KLHL29: variants seen among roughly 807,000 people sequenced by gnomAD.
KLHL29 encodes kelch like family member 29, also known as kelch-like protein 29.
A neutral mutation model predicts 80.4 loss-of-function variants in KLHL29; 21 were observed. The ratio of observed to expected loss-of-function variants is 0.26; its 90% CI spans 0.19 to 0.38. KLHL29 has a LOEUF of 0.38. Among genes scored for constraint, KLHL29 ranks in the 10% least tolerant of loss-of-function variants. KLHL29 has a pLI of 1.00. For missense variants in KLHL29, 867 were observed against 1,223.9 expected, an observed-to-expected ratio of 0.71 and a Z score of 4.35; for synonymous variants, 511 against 526.8, an observed-to-expected ratio of 0.97 and a Z score of 0.41.
At chr2:23,608,828 C>T (rs1455075360) in intron 3 of KLHL29, among the ~76,000 whole-genome samples, 3 of 152,206 alleles carry the variant, frequency 2.0e-5, no homozygotes, top group Middle Eastern at 6.8e-3. Flanking sequence ...TCTACGAATA[C>T]TTATATGCTC....
chr2:23,412,277 A>G (rs980140117), intron 1 of KLHL29, among the ~76,000 whole-genome samples: 3 of 152,078 alleles, frequency 2.0e-5, no homozygotes, highest in African/African-American at 7.2e-5. Context: ...TGGTTGAGGA[A>G]TTTCAGAGAA....
intron 2 of KLHL29, among the ~76,000 whole-genome samples, chr2:23,506,826 A>T (rs1198010907): frequency 6.6e-6 from 1 of 152,138 alleles, no homozygotes; most frequent in Non-Finnish European, 1.5e-5. Flanking sequence ...GACTCCTCAA[A>T]AGAACCATGA....
At chr2:23,618,507 T>G (rs935276945) in intron 3 of KLHL29, among the ~76,000 whole-genome samples, 2 of 152,136 alleles carry the variant, frequency 1.3e-5, no homozygotes, top group African/African-American at 4.8e-5. Context: ...CCTGACCGCC[T>G]TTGAGTTGGG....
chr2:23,688,475 G>A (rs1671380291), intron 6 of KLHL29, among the ~76,000 whole-genome samples: 1 of 152,216 alleles, frequency 6.6e-6, no homozygotes, highest in Non-Finnish European at 1.5e-5. Flanking sequence ...CTGGAAGGAA[G>A]GGCATTTCTA....
Position 23,385,565 on chromosome 2 carries a change from A to AGGC in KLHL29, c.-357_-355dup, listed in dbSNP as rs963893848. On this transcript the variant is annotated 5_prime_UTR_variant, in exon 1 of 14. Coordinates refer to ENST00000486442, the MANE Select transcript of KLHL29 (RefSeq NM_052920.2). ...CGGGCATCCTCCCTGGGCTGCCGGG[A>AGGC]GGCGGCGGCGGCGGAGGAGGAGGAG... is the stretch of plus-strand genomic sequence containing the variant. The AGGC allele has an allele frequency of 5.8e-6, 1 of 171,130 alleles. No individual in the cohort carries two copies. Among genetic ancestry groups the AGGC allele is most frequent in the Admixed American group, 6.5e-5 (1 of 15,276 alleles). 10.6% of individuals were successfully genotyped at this position (171,130 alleles called of 1,614,324 possible).
At chr2:23,525,234 C>A (rs147776651) in intron 2 of KLHL29, among the ~76,000 whole-genome samples, 1 of 152,200 alleles carries the variant, frequency 6.6e-6, no homozygotes, top group Non-Finnish European at 1.5e-5. Context: ...GCCAGGCCCA[C>A]GCCTGGAAGA....
chr2:23,482,063 GCC>G (rs1437132463), intron 2 of KLHL29, among the ~76,000 whole-genome samples: 122 of 152,296 alleles, frequency 8.0e-4, no homozygotes, highest in African/African-American at 2.8e-3. Context: ...CTTGTCCGCT[GCC>G]CTCAGTCCCA....
At chr2:23,648,018 C>T (rs1263177515) in intron 5 of KLHL29, among the ~76,000 whole-genome samples, 12 of 152,130 alleles carry the variant, frequency 7.9e-5, no homozygotes, top group Admixed American at 7.9e-4. Flanking sequence ...GTGACTTCCC[C>T]TTCCCTTCAC....
At position 23,631,729 on chromosome 2, in the gene KLHL29, C is replaced by T. The variant is rs1669474155; in HGVS notation, c.286-7410C>T. Among the ~76,000 whole-genome samples the T allele has an allele frequency of 2.0e-5, 3 of 152,296 alleles. No individual in the cohort carries two copies. The South Asian group carries it at 6.2e-4, about 32-fold the overall frequency. On this transcript the variant is annotated intron_variant, in intron 3 of 13. Coordinates refer to ENST00000486442, the MANE Select transcript of KLHL29 (RefSeq NM_052920.2). ...GACCCTTGAATGTCATTTGCGCTTC[C>T]CGGAGGCCACAGATTTCCAGCTTTG...
At chr2:23,443,862 G>A (rs1663601489) in intron 1 of KLHL29, among the ~76,000 whole-genome samples, 1 of 152,174 alleles carries the variant, frequency 6.6e-6, no homozygotes, top group African/African-American at 2.4e-5. Context: ...TGTTCGGGTG[G>A]TACTTTGGCA....
intron 11 of KLHL29, among the ~76,000 whole-genome samples, chr2:23,698,626 G>A (rs1404916804): frequency 1.3e-5 from 2 of 152,134 alleles, no homozygotes; most frequent in Non-Finnish European, 2.9e-5. Context: ...TATAGATTAA[G>A]ACAACAGCAC....
rs1671619186 is a variant in KLHL29, at chr2:23,691,697, G to T, written c.1103G>T (p.Gly368Val). Residue 368 changes from glycine (G) to valine (V), a missense_variant, in exon 7 of 14, where the codon GGC (glycine) becomes GTC (valine). Around this residue, in one of 2 missense-constraint regions of KLHL29, gnomAD observed 443 missense variants for 767.0 expected, o/e 0.58. Transcript: ENST00000486442. ...AGGTCCGTGCAAGACAGCGGCCAGGGCGGCCGGGAGAAGCTGGAGCTCGTC... is the reference window on the plus strand; with the variant it reads ...AGGTCCGTGCAAGACAGCGGCCAGGTCGGCCGGGAGAAGCTGGAGCTCGTC... ...IQRSVQDSGQGGREKLELVLS... is the reference protein window; with the variant it reads ...IQRSVQDSGQVGREKLELVLS... 2.6e-6 allele frequency: 4 copies of T among 1,551,658 alleles called. No individual in the cohort carries two copies. Among genetic ancestry groups the T allele is most frequent in the Non-Finnish European group, 3.5e-6 (4 of 1,147,016 alleles).
At chr2:23,448,518 G>C (rs1178158263) in intron 1 of KLHL29, among the ~76,000 whole-genome samples, 1 of 152,138 alleles carries the variant, frequency 6.6e-6, no homozygotes, top group Non-Finnish European at 1.5e-5. Context: ...GAATTAGAAG[G>C]GCCTAGAGGA....
At chr2:23,451,798 C>T (rs573089369) in intron 1 of KLHL29, among the ~76,000 whole-genome samples, 204 of 152,256 alleles carry the variant, frequency 1.3e-3, no homozygotes, top group Admixed American at 2.5e-3. Context: ...TGTACTAGTC[C>T]ATTCTTTAGT....
intron 4 of KLHL29, among the ~76,000 whole-genome samples, chr2:23,640,074 A>T (rs1179226898): frequency 6.6e-6 from 1 of 151,954 alleles, no homozygotes; most frequent in African/African-American, 2.4e-5. Flanking sequence ...CTGCTTCAAC[A>T]GCACCCCGAG....
chr2:23,677,580 G>A (rs2149181806), intron 5 of KLHL29, among the ~76,000 whole-genome samples: 1 of 152,296 alleles, frequency 6.6e-6, no homozygotes, highest in South Asian at 2.1e-4. Context: ...GCCCGCTCTT[G>A]GCCTTCAGGG....
Position 23,410,159 on chromosome 2 carries a change from CTG to C in KLHL29, c.-154+24381_-154+24382del, listed in dbSNP as rs571659127. On this transcript the variant is annotated intron_variant, in intron 1 of 13. Transcript: ENST00000486442. The stretch of plus-strand genomic sequence containing the variant: ...TATTGCAAGAGCACTGACTGGCTGA[CTG>C]TTTTTAAGCAAGGGAATGGCATTCT... 2.7e-4 allele frequency among the ~76,000 whole-genome samples: 41 copies of C among 152,310 alleles called. No individual in the cohort carries two copies. The East Asian group carries it at 6.8e-3, about 25-fold the overall frequency.
At position 23,523,282 on chromosome 2, in the gene KLHL29, T is replaced by C. The variant is rs1037998998; in HGVS notation, c.-45-38870T>C. Reference sequence around the variant, plus strand: ...GAGAGCAGAAAGGGAGCAGAGCCATTTTGTAGAGCGAGTTTTCCAACCCCT... The same window carrying C: ...GAGAGCAGAAAGGGAGCAGAGCCATCTTGTAGAGCGAGTTTTCCAACCCCT... On this transcript the variant is annotated intron_variant, in intron 2 of 13. Coordinates refer to ENST00000486442, the MANE Select transcript of KLHL29 (RefSeq NM_052920.2). Among the ~76,000 whole-genome samples the C allele has an allele frequency of 2.0e-4, 30 of 152,176 alleles. 1 individual carries two copies. Among genetic ancestry groups the C allele is most frequent in the Non-Finnish European group, 1.0e-4 (7 of 68,022 alleles).
intron 1 of KLHL29, among the ~76,000 whole-genome samples, chr2:23,471,084 G>A (rs1441768657): frequency 6.6e-6 from 1 of 152,208 alleles, no homozygotes; most frequent in East Asian, 1.9e-4. Flanking sequence ...AGGAGGGTGG[G>A]CTCGGGAGCC....
Sources: allele counts gnomAD v4.1 joint callset (sites outside exome capture counted in the v4.1 genomes callset), GRCh38; gene constraint gnomAD v4.1.1; regional missense constraint gnomAD v4.1.1; transcripts MANE v1.5; gene names NCBI Gene and HGNC (gene_info 2026-07-23, HGNC 2026-07-21).